The following RFLNA variants were observed in gnomAD, a reference collection of about 807,000 sequenced individuals.
The protein encoded by RFLNA is refilin-A.
Under a neutral mutation model 7.8 loss-of-function variants are expected in RFLNA, and 5 were observed. That is an observed-to-expected ratio of 0.64 (90% CI 0.34 to 1.35). The LOEUF (loss-of-function observed/expected upper bound fraction) is 1.35, where lower values mean the gene tolerates loss of function less well. RFLNA is among the 40% of genes most tolerant of loss of function. The pLI, the probability that RFLNA is intolerant of heterozygous loss-of-function variation, is 0.04. For synonymous variants in RFLNA, 141 were observed against 131.3 expected, an observed-to-expected ratio of 1.07 and a Z score of -0.50; for missense variants, 278 against 305.5, an observed-to-expected ratio of 0.91 and a Z score of 0.67.
rs779849847 is a variant in RFLNA at position 124,289,760 on chromosome 12, G to A, written c.-37+390G>A. ...TCCAGGCGTGGACATCTGTGGTACA[G>A]CTGGGGACTGAGCAAGGGCACTGCG... On this transcript the variant is annotated intron_variant, in intron 1 of 2. Transcript: ENST00000324038. This position sits in a 1 kb window ranked among gnomAD's most constrained non-coding sequence, Gnocchi z 5.0. Among the ~76,000 whole-genome samples the A allele has an allele frequency of 6.6e-6, 1 of 152,188 alleles. No individual in the cohort carries two copies. The highest frequency in any genetic ancestry group is 1.5e-5 in the Non-Finnish European group (1 of 68,016).
chr12:124,294,332 C>T (rs991309414), upstream of RFLNA, among the ~76,000 whole-genome samples: 25 of 152,218 alleles, frequency 1.6e-4, no homozygotes, highest in African/African-American at 5.8e-4. Context: ...ACACCCCCAG[C>T]TGCCCCGCTT....
intron 1 of RFLNA, among the ~76,000 whole-genome samples, chr12:124,311,455 C>T (rs772918397): frequency 1.5e-4 from 23 of 152,344 alleles, no homozygotes; most frequent in Non-Finnish European, 3.1e-4. Context: ...AGTGTGGTTT[C>T]AGCCCTGCAA....
At chr12:124,300,154 G>C (rs2034000656) in intron 1 of RFLNA, among the ~76,000 whole-genome samples, 1 of 152,252 alleles carries the variant, frequency 6.6e-6, no homozygotes, top group African/African-American at 2.4e-5. Context: ...GGTGGTGACA[G>C]ATCTGAGCTG....
At chr12:124,291,695 C>T (rs1011815343), upstream of RFLNA, among the ~76,000 whole-genome samples, 2 of 151,508 alleles carry the variant, frequency 1.3e-5, no homozygotes, top group Non-Finnish European at 2.9e-5. Flanking sequence ...GAACAAGTGG[C>T]AAATGGCTCT....
Position 124,314,661 on chromosome 12 carries a change from GA to G in RFLNA, c.*138del. On this transcript the variant is annotated 3_prime_UTR_variant, in exon 3 of 3. Transcript: ENST00000546355. ...GGCTGCCAGACCAAGGACCCGTGTG[GA>G]AGGAGGCGGCTCCCCGCTGCCTGCC... The G allele has an allele frequency of 7.0e-7, 1 of 1,425,926 alleles. No homozygotes were observed. Among genetic ancestry groups the G allele is most frequent in the Non-Finnish European group, 9.5e-7 (1 of 1,047,188 alleles). 88.3% of individuals were successfully genotyped at this position (1,425,926 alleles called of 1,614,324 possible). A position where few individuals can be genotyped will look rare whatever the true frequency, so the allele number is the denominator to read the frequency against.
At chr12:124,301,385 C>T (rs1268202041) in intron 1 of RFLNA, among the ~76,000 whole-genome samples, 2 of 152,222 alleles carry the variant, frequency 1.3e-5, no homozygotes, top group Non-Finnish European at 2.9e-5. Flanking sequence ...GCTCTGGAAA[C>T]AAGGGAGCCA....
intron 1 of RFLNA, among the ~76,000 whole-genome samples, chr12:124,297,512 C>CA (rs1220923431): frequency 6.6e-6 from 1 of 152,194 alleles, no homozygotes; most frequent in East Asian, 1.9e-4. Flanking sequence ...GCCTACACTC[C>CA]AATTAGCCCC....
In RFLNA at chr12:124,310,172, CAAAAAAAAA is replaced by C. The variant is rs71088996; in HGVS notation, c.208-1630_208-1622del. On this transcript the variant is annotated intron_variant, in intron 1 of 2. Coordinates refer to ENST00000546355, the MANE Select transcript of RFLNA (RefSeq NM_001365156.1). ...TGGGTGACAGAGAGAGACTCTGTCTCAAAAAAAAAAAAAAAAAAAAAAAAGCCTTTAGAA... is the reference window on the plus strand; with the variant it reads ...TGGGTGACAGAGAGAGACTCTGTCTCAAAAAAAAAAAAAAAGCCTTTAGAA... Among the ~76,000 whole-genome samples the C allele has an allele frequency of 1.2e-3, 20 of 17,090 alleles. 1 individual carries two copies. In the Admixed American group the frequency reaches 0.028, roughly 24 times the overall value. 11.2% of individuals were successfully genotyped at this position (17,090 alleles called of 152,430 possible). A position where few individuals can be genotyped will look rare whatever the true frequency, so the allele number is the denominator to read the frequency against.
At chr12:124,296,501 G>T (rs2033931988) in intron 1 of RFLNA, among the ~76,000 whole-genome samples, 1 of 152,080 alleles carries the variant, frequency 6.6e-6, no homozygotes, top group African/African-American at 2.4e-5. Context: ...CCGCTCTCTG[G>T]CTGCGCCCTG....
chr12:124,302,026 C>T (rs912699188), intron 1 of RFLNA, among the ~76,000 whole-genome samples: 4 of 152,312 alleles, frequency 2.6e-5, no homozygotes, highest in South Asian at 4.2e-4. Flanking sequence ...GGCCGCATCA[C>T]GCCAGTCTCT....
At chr12:124,311,120 C>T (rs1176567244) in intron 1 of RFLNA, among the ~76,000 whole-genome samples, 1 of 152,214 alleles carries the variant, frequency 6.6e-6, no homozygotes, top group South Asian at 2.1e-4. Flanking sequence ...GCTGTCTCCA[C>T]AGCTCTGGAG....
upstream of RFLNA, among the ~76,000 whole-genome samples, chr12:124,290,209 CAT>C (rs1182423077): frequency 1.3e-5 from 2 of 152,106 alleles, no homozygotes; most frequent in Non-Finnish European, 1.5e-5. The surrounding 1 kb of genome is among the most constrained non-coding windows in gnomAD (Gnocchi z 4.0). Flanking sequence ...AGTGTATATG[CAT>C]ATGTGTGTGT....
chr12:124,298,846 G>A (rs918593346), intron 1 of RFLNA, among the ~76,000 whole-genome samples: 5 of 152,244 alleles, frequency 3.3e-5, no homozygotes, highest in African/African-American at 9.6e-5. Flanking sequence ...TGCTCAGTCC[G>A]AGACAATGGC....
At chr12:124,311,526 C>T (rs2034243216) in intron 1 of RFLNA, among the ~76,000 whole-genome samples, 1 of 152,208 alleles carries the variant, frequency 6.6e-6, no homozygotes. Context: ...TGGGTGTGGC[C>T]TTGAGGTTGC....
intron 1 of RFLNA, among the ~76,000 whole-genome samples, chr12:124,300,054 GA>G (rs1449418247): frequency 6.6e-6 from 1 of 152,222 alleles, no homozygotes; most frequent in African/African-American, 2.4e-5. Context: ...TGGCATTTGG[GA>G]TCTTACATTG....
chr12:124,311,697 C>A (rs372859492), intron 1 of RFLNA, 121 bp from the exon 2 acceptor site: 2 of 964,884 alleles, frequency 2.1e-6, no homozygotes, highest in South Asian at 4.3e-5. Flanking sequence ...TGGGCCCCAC[C>A]AAGCAGCTTC....
chr12:124,311,738 T>A (rs2034247200), intron 1 of RFLNA, 80 bp from the exon 2 acceptor site: 1 of 1,291,058 alleles, frequency 7.7e-7, no homozygotes, highest in Non-Finnish European at 1.0e-6. Context: ...GGGTGTCAGG[T>A]GGTCCTGTGT....
chr12:124,302,667 A>G (rs1278113255), intron 1 of RFLNA, among the ~76,000 whole-genome samples: 4 of 152,174 alleles, frequency 2.6e-5, no homozygotes, highest in Non-Finnish European at 2.9e-5. Flanking sequence ...GTGATGGTCA[A>G]GATTAACCTT....
At chr12:124,307,727 T>G (rs61933973) in intron 1 of RFLNA, among the ~76,000 whole-genome samples, 9,447 of 152,226 alleles carry the variant, frequency 0.062, 416 homozygotes, top group Admixed American at 0.1. Flanking sequence ...GTGGTTCTCT[T>G]GTGTGATCTT....
Sources: gnomAD v4.1 joint callset for allele counts (sites outside exome capture counted in the v4.1 genomes callset) on GRCh38, gnomAD v4.1.1 for gene constraint, Gnocchi (gnomAD v3.1) non-coding constraint, MANE v1.5 for transcripts, NCBI Gene and HGNC (gene_info 2026-07-23, HGNC 2026-07-21) for gene names.